TAF8: variants seen among roughly 807,000 people sequenced by gnomAD.
The protein encoded by TAF8 is transcription initiation factor TFIID subunit 8.
In TAF8, 47 loss-of-function variants were observed where a neutral mutation model predicts 36.5. That is an observed-to-expected ratio of 1.29 (90% CI 1.02 to 1.64). The LOEUF (loss-of-function observed/expected upper bound fraction) is 1.64, where lower values mean the gene tolerates loss of function less well. Ranked by LOEUF, TAF8 falls within the 40% of genes most tolerant of loss-of-function variation. The probability of loss-of-function intolerance (pLI) is 0.00; values close to 1 mark genes in which losing one functional copy is unlikely to be tolerated. For missense variants in TAF8, 420 were observed against 407.6 expected (o/e 1.03, Z -0.26); for synonymous variants, 175 against 159.5 (o/e 1.10, Z -0.73).
In TAF8 at chr6:42,077,629, A is replaced by T. The variant is rs1765800367; in HGVS notation, c.*84A>T. 1 of 1,576,620 alleles carries T rather than the reference A, an allele frequency of 6.3e-7. No individual in the cohort carries two copies. Among genetic ancestry groups the T allele is most frequent in the Admixed American group, 1.9e-5 (1 of 53,826 alleles). Reference sequence around the variant, plus strand: ...AGCCACTCAAGGGAAGAAGAGGGTGACCTCCTCATGGCCAAGCCGAGGCTG... The same window carrying T: ...AGCCACTCAAGGGAAGAAGAGGGTGTCCTCCTCATGGCCAAGCCGAGGCTG... On this transcript the variant is annotated 3_prime_UTR_variant, in exon 9 of 9. Transcript: ENST00000372977.
At chr6:42,086,826 C>T (rs552065958), downstream of TAF8, 454 of 1,376,846 alleles carry the variant, frequency 3.3e-4, no homozygotes, top group African/African-American at 2.4e-3. Context: ...AAGACACACA[C>T]GGAAGCAAAC....
At chr6:42,063,359 C>T (rs1334378896) in intron 5 of TAF8, 1 of 152,128 alleles carries the variant, frequency 6.6e-6, no homozygotes, top group Non-Finnish European at 1.5e-5. Context: ...GACAAGATAT[C>T]GCCATGTTGC....
At chr6:42,086,771 C>G (rs1220294542), downstream of TAF8, 2 of 1,549,770 alleles carry the variant, frequency 1.3e-6, no homozygotes, top group East Asian at 4.9e-5. Flanking sequence ...GCCAAGTGCT[C>G]CCCAAGGAGA....
In TAF8 at chr6:42,081,174, T is replaced by TG. The variant is rs1765912172; in HGVS notation, c.*3630dup. On this transcript the variant is annotated 3_prime_UTR_variant, in exon 9 of 9. Transcript: ENST00000372977. ...CTTTATTTTCTTTCCTCCTGGAGTG[T>TG]GTGTGTGTGTGTGTGTGCGTGTGTG... is the stretch of plus-strand genomic sequence containing the variant. 1.9e-5 allele frequency: 1 copy of TG among 51,994 alleles called. No homozygotes were observed. The highest frequency in any genetic ancestry group is 6.2e-5 in the Non-Finnish European group (1 of 16,232). The allele number at this position is 51,994 out of a possible 1,614,324, so 3.2% of individuals were successfully genotyped here. A position where few individuals can be genotyped will look rare whatever the true frequency, so the allele number is the denominator to read the frequency against.
intron 5 of TAF8, among the ~76,000 whole-genome samples, chr6:42,058,576 T>C (rs1030006709): frequency 6.6e-6 from 1 of 152,134 alleles, no homozygotes; most frequent in Admixed American, 6.6e-5. Context: ...CATATAGTGA[T>C]GGCAAGCCCT....
In TAF8 at chr6:42,078,291, A is replaced by G. The variant is rs1386670542; in HGVS notation, c.*746A>G. On this transcript the variant is annotated 3_prime_UTR_variant, in exon 9 of 9. Transcript: ENST00000372977. ...TGATTCCTTTGAAACTCAAGAGACC[A>G]GGGAAAGTGACAGGAAGGAAAGGGC... 1.0e-6 allele frequency: 1 copy of G among 985,404 alleles called. No individual in the cohort carries two copies. Among genetic ancestry groups the G allele is most frequent in the African/African-American group, 1.7e-5 (1 of 57,260 alleles). 61.0% of individuals were successfully genotyped at this position (985,404 alleles called of 1,614,324 possible).
chr6:42,075,931 C>T (rs888156200), intron 7 of TAF8, among the ~76,000 whole-genome samples: 3 of 152,124 alleles, frequency 2.0e-5, no homozygotes, highest in Admixed American at 6.5e-5. Context: ...GTAAAGCGGC[C>T]GGGCGCGGTG....
intron 5 of TAF8, among the ~76,000 whole-genome samples, chr6:42,059,070 G>C (rs1348353565): frequency 1.3e-5 from 2 of 152,064 alleles, no homozygotes; most frequent in African/African-American, 4.8e-5. Context: ...CAGGAGTGCT[G>C]ATTGGTCAGA....
At chr6:42,086,445 T>C (rs1213320469), downstream of TAF8, among the ~76,000 whole-genome samples, 2 of 152,238 alleles carry the variant, frequency 1.3e-5, no homozygotes, top group East Asian at 1.9e-4. Context: ...CTGAACAGAA[T>C]GTGGCTTTCT....
chr6:42,062,084 G>GA (rs113239552), intron 5 of TAF8, among the ~76,000 whole-genome samples: 3,982 of 152,124 alleles, frequency 0.026, 146 homozygotes, highest in African/African-American at 0.084. Context: ...ACCCAAAGGA[G>GA]AAAAGAAAAC....
At chr6:42,055,473 CTA>C (rs1417813448) in intron 2 of TAF8, 56 bp from the exon 3 acceptor site, 39 of 1,208,870 alleles carry the variant, frequency 3.2e-5, no homozygotes, top group Admixed American at 3.1e-4. Context: ...TCTGGTAATT[CTA>C]TGTTTAACTT....
intron 5 of TAF8, among the ~76,000 whole-genome samples, chr6:42,061,969 C>G (rs1035663082): frequency 6.6e-6 from 1 of 152,152 alleles, no homozygotes; most frequent in African/African-American, 2.4e-5. Flanking sequence ...AACTTTTACT[C>G]TGTTAGAGGA....
At chr6:42,087,379 T>A (rs1766046398), downstream of TAF8, 1 of 144,634 alleles carries the variant, frequency 6.9e-6, no homozygotes, top group Admixed American at 7.3e-5. Context: ...ATGTACTAAT[T>A]TAAGTACTTT....
chr6:42,083,690 C>A (rs1367057080), downstream of TAF8, among the ~76,000 whole-genome samples: 1 of 149,044 alleles, frequency 6.7e-6, no homozygotes, highest in Admixed American at 6.6e-5. Context: ...CAGAGGGGCA[C>A]CCGGGGACTC....
Position 42,051,471 on chromosome 6 carries a change from G to T in TAF8, c.160G>T (p.Glu54Ter). The change falls in exon 2 of 9, where the codon GAG becomes TAG. Residue 54 changes from glutamate (E) to a stop codon, truncating the protein, a stop_gained. Coordinates refer to ENST00000372977, the MANE Select transcript of TAF8 (RefSeq NM_138572.3). LOFTEE classifies it high-confidence loss of function. Reference protein sequence around the residue: ...LLTEAGFESAEKASVETLTEM... With the variant: ...LLTEAGFESA ...GACAGAGGCAGGGTTTGAGAGTGCC[G>T]AGAAAGCATCCGTGGAAACGCTGAC... is the stretch of plus-strand genomic sequence containing the variant. 6.2e-7 allele frequency: 1 copy of T among 1,614,050 alleles called. No individual in the cohort carries two copies. Among genetic ancestry groups the T allele is most frequent in the Non-Finnish European group, 8.5e-7 (1 of 1,180,010 alleles).
At position 42,078,352 on chromosome 6, in the gene TAF8, T is replaced by C. The variant is rs977360730; in HGVS notation, c.*807T>C. On this transcript the variant is annotated 3_prime_UTR_variant, in exon 9 of 9. Coordinates refer to ENST00000372977, the MANE Select transcript of TAF8 (RefSeq NM_138572.3). ...TGTGCTTATTACAAGGAAGACTGTTTGTCCAGCGTGTATTTCAGGATATCT... is the reference window on the plus strand; with the variant it reads ...TGTGCTTATTACAAGGAAGACTGTTCGTCCAGCGTGTATTTCAGGATATCT... 3 of 985,330 alleles carry C rather than the reference T, an allele frequency of 3.0e-6. No individual in the cohort carries two copies. Among genetic ancestry groups the C allele is most frequent in the Non-Finnish European group, 3.6e-6 (3 of 829,936 alleles). 61.0% of individuals were successfully genotyped at this position (985,330 alleles called of 1,614,324 possible). A position where few individuals can be genotyped will look rare whatever the true frequency, so the allele number is the denominator to read the frequency against.
At chr6:42,071,996 G>A (rs1267904957) in intron 7 of TAF8, among the ~76,000 whole-genome samples, 1 of 152,198 alleles carries the variant, frequency 6.6e-6, no homozygotes, top group Non-Finnish European at 1.5e-5. Flanking sequence ...AGGAAGGCCT[G>A]AGTCTTAGAG....
intron 7 of TAF8, among the ~76,000 whole-genome samples, chr6:42,072,291 T>G (rs1461710371): frequency 6.6e-6 from 1 of 152,180 alleles, no homozygotes; most frequent in African/African-American, 2.4e-5. Context: ...AGTGACAATT[T>G]ACTACAGTCA....
rs532948950 is a variant in TAF8, at chr6:42,072,864, AG to A, written c.781-4234del. Among the ~76,000 whole-genome samples, 47 of 151,976 alleles carry A rather than the reference AG, an allele frequency of 3.1e-4. No individual in the cohort carries two copies. In the East Asian group the frequency reaches 8.5e-3, roughly 28 times the overall value. ...CAGCCTCCCCAGCAGCTAGGACTAC[AG>A]GCGCCCGCCACCACGCCCGGCTAAT... On this transcript the variant is annotated intron_variant, in intron 7 of 8. Coordinates refer to ENST00000372977, the MANE Select transcript of TAF8 (RefSeq NM_138572.3).
Sources: gnomAD v4.1 joint callset for allele counts (sites outside exome capture counted in the v4.1 genomes callset) on GRCh38, gnomAD v4.1.1 for gene constraint, MANE v1.5 for transcripts, NCBI Gene and HGNC (gene_info 2026-07-23, HGNC 2026-07-21) for gene names.